Variants in MYOM3 observed in about 807,000 individuals in gnomAD.
The protein encoded by MYOM3 is myomesin-3.
In MYOM3, 155 loss-of-function variants were observed where a neutral mutation model predicts 191.7. The ratio of observed to expected loss-of-function variants is 0.81; its 90% CI spans 0.71 to 0.92. The LOEUF (loss-of-function observed/expected upper bound fraction) is 0.92, where lower values mean the gene tolerates loss of function less well. Ranked by LOEUF, MYOM3 falls within the 40% of genes least tolerant of loss-of-function variation. MYOM3 has a pLI of 0.00. For synonymous variants in MYOM3, 757 were observed against 762.9 expected (o/e 0.99, Z 0.13); for missense variants, 1,889 against 1,890.6 (o/e 1.00, Z 0.02).
At chr1:24,090,007 T>C in intron 13 of MYOM3, 58 bp downstream of exon 13, 2 of 1,551,726 alleles carry the variant, frequency 1.3e-6, no homozygotes, top group Non-Finnish European at 1.8e-6. Flanking sequence ...TGCCAGCTCA[T>C]GTCCCAGAGT....
At chr1:24,086,892 T>G in intron 14 of MYOM3, 65 bp from the exon 15 acceptor site, 2 of 1,490,952 alleles carry the variant, frequency 1.3e-6, no homozygotes, top group Non-Finnish European at 1.8e-6. Flanking sequence ...GCTGGTCACC[T>G]CCCATGATCT....
intron 36 of MYOM3, among the ~76,000 whole-genome samples, chr1:24,058,471 A>G (rs1643329644): frequency 6.6e-6 from 1 of 152,226 alleles, no homozygotes; most frequent in Non-Finnish European, 1.5e-5. Context: ...ATGATTAGTA[A>G]TAAATAAAAC....
intron 5 of MYOM3, 140 bp from the exon 6 acceptor site, chr1:24,099,915 T>C (rs1643900456): frequency 3.1e-6 from 2 of 649,368 alleles, no homozygotes; most frequent in Admixed American, 2.5e-5. Context: ...TCACCCAGGC[T>C]GGAGCGCAGT....
chr1:24,092,468 C>G (rs2148556309), intron 10 of MYOM3, among the ~76,000 whole-genome samples, 153 bp from the exon 11 acceptor site: 1 of 152,284 alleles, frequency 6.6e-6, no homozygotes, highest in East Asian at 1.9e-4. Flanking sequence ...TCCCACTACC[C>G]CCATAGCAGT....
chr1:24,092,752 C>T (rs946574018), intron 10 of MYOM3, among the ~76,000 whole-genome samples, 195 bp downstream of exon 10: 6 of 152,308 alleles, frequency 3.9e-5, no homozygotes, highest in South Asian at 4.1e-4. Flanking sequence ...GGCTAACTCT[C>T]GGGCCATGTC....
rs372173952 is a variant in MYOM3, at chr1:24,084,497, T to C, written c.1941A>G (p.Thr647=). Residue 647 remains threonine (T), a synonymous_variant, in exon 16 of 37, where the codon ACA becomes ACG. Transcript: ENST00000374434. The part of the protein sequence containing the change: ...SRKVGTSEWQ[T]VNNKPIQGTR... ...TGCCTTGGATGGGTTTGTTGTTAACTGTTTGCCACTCAGATGTCCCCACCT... is the reference window on the plus strand; with the variant it reads ...TGCCTTGGATGGGTTTGTTGTTAACCGTTTGCCACTCAGATGTCCCCACCT... The C allele has an allele frequency of 3.1e-6, 5 of 1,614,104 alleles. No homozygotes were observed. The African/African-American group carries it at 5.3e-5, about 17-fold the overall frequency.
At position 24,111,732 on chromosome 1, in the gene MYOM3, AG is replaced by A. The variant is rs1644039605; in HGVS notation, c.-19+298del. ...CAGGAAAGACTCCAGTTCCCAGGGCAGCCCCCACTCTTTTTTTTTTTTTTGC... is the reference window on the plus strand; with the variant it reads ...CAGGAAAGACTCCAGTTCCCAGGGCACCCCCACTCTTTTTTTTTTTTTTGC... On this transcript the variant is annotated intron_variant, in intron 1 of 36. Transcript: ENST00000374434. This position sits in a 1 kb window ranked among gnomAD's most constrained non-coding sequence, Gnocchi z 4.7. Among the ~76,000 whole-genome samples the A allele has an allele frequency of 6.7e-6, 1 of 148,874 alleles. No individual in the cohort carries two copies. Among genetic ancestry groups the A allele is most frequent in the African/African-American group, 2.5e-5 (1 of 40,552 alleles).
At chr1:24,082,429 CT>C in intron 17 of MYOM3, 163 bp downstream of exon 17, 9 of 1,092,746 alleles carry the variant, frequency 8.2e-6, no homozygotes, top group Non-Finnish European at 1.1e-5. Flanking sequence ...GCCATGGTTA[CT>C]TCCTTCCCAA....
At chr1:24,084,896 C>T (rs1456327588) in intron 15 of MYOM3, among the ~76,000 whole-genome samples, 2 of 152,140 alleles carry the variant, frequency 1.3e-5, no homozygotes, top group African/African-American at 2.4e-5. Context: ...TTCATCCTTA[C>T]ACACACACAC....
At chr1:24,076,060 C>G (rs1643595070) in intron 21 of MYOM3, 99 bp downstream of exon 21, 2 of 904,636 alleles carry the variant, frequency 2.2e-6, no homozygotes, top group South Asian at 2.9e-5. Context: ...GTGTGAGGGC[C>G]TAGCACAGCA....
chr1:24,100,313 G>T (rs1643902579), intron 5 of MYOM3, among the ~76,000 whole-genome samples: 1 of 152,152 alleles, frequency 6.6e-6, no homozygotes, highest in Admixed American at 6.5e-5. Context: ...AATGGGATGG[G>T]CTTATAAAGC....
intron 23 of MYOM3, 109 bp from the exon 24 acceptor site, chr1:24,072,122 AG>A: frequency 9.3e-7 from 1 of 1,072,780 alleles, no homozygotes; most frequent in Non-Finnish European, 1.4e-6. Context: ...CAAAATTCCA[AG>A]AGACACCTCC....
At chr1:24,110,800 T>C (rs970664016) in intron 1 of MYOM3, among the ~76,000 whole-genome samples, 1 of 152,214 alleles carries the variant, frequency 6.6e-6, no homozygotes, top group South Asian at 2.1e-4. Flanking sequence ...CTAGCCCTGC[T>C]CATTCTGCTC....
At chr1:24,068,691 T>C (rs1643485897) in intron 25 of MYOM3, among the ~76,000 whole-genome samples, 1 of 152,128 alleles carries the variant, frequency 6.6e-6, no homozygotes, top group African/African-American at 2.4e-5. Flanking sequence ...TTCTTTTCTT[T>C]TTCTTTCTTT....
At position 24,081,411 on chromosome 1, in the gene MYOM3, C is replaced by T. The variant is rs372608353; in HGVS notation, c.2326G>A (p.Ala776Thr). The T allele has an allele frequency of 6.2e-7, 1 of 1,614,138 alleles. No individual in the cohort carries two copies. The highest frequency in any genetic ancestry group is 8.5e-7 in the Non-Finnish European group (1 of 1,180,008). Residue 776 changes from alanine to threonine, a missense_variant, in exon 19 of 37, where the codon GCT becomes ACT. Coordinates refer to ENST00000374434, the MANE Select transcript of MYOM3 (RefSeq NM_152372.4). ...TCGCCAACACCTGCCCAGTTGGCAG[C>T]CCGGGCACGGAACTCATAGAAGTGG... ...EGHFYEFRAR[A>T]ANWAGVGELS...
At chr1:24,065,833 C>T in intron 29 of MYOM3, 58 bp downstream of exon 29, 1 of 1,313,288 alleles carries the variant, frequency 7.6e-7, no homozygotes, top group Non-Finnish European at 1.1e-6. Flanking sequence ...GAGCTCTTGG[C>T]CCTCCCTGGC....
chr1:24,061,174 G>A (rs1643365256), intron 34 of MYOM3, 92 bp from the exon 35 acceptor site: 1 of 1,605,718 alleles, frequency 6.2e-7, no homozygotes, highest in African/African-American at 1.3e-5. Flanking sequence ...AAGGAAAGGT[G>A]GAGCTGGCTG....
At chr1:24,109,555 T>C (rs1009881628) in intron 1 of MYOM3, among the ~76,000 whole-genome samples, 5 of 152,264 alleles carry the variant, frequency 3.3e-5, no homozygotes, top group African/African-American at 1.2e-4. Context: ...AATTATTTTG[T>C]ATCTGTGCAT....
intron 7 of MYOM3, among the ~76,000 whole-genome samples, chr1:24,097,278 C>T (rs1455861290): frequency 1.3e-5 from 2 of 152,184 alleles, no homozygotes; most frequent in African/African-American, 4.8e-5. Context: ...CCAACCTAAG[C>T]GCAATCCGGT....
Sources: allele counts gnomAD v4.1 joint callset (sites outside exome capture counted in the v4.1 genomes callset), GRCh38; gene constraint gnomAD v4.1.1; non-coding constraint Gnocchi (gnomAD v3.1); transcripts MANE v1.5; gene names NCBI Gene and HGNC (gene_info 2026-07-23, HGNC 2026-07-21).